Variants in SHANK2 observed in about 807,000 individuals in gnomAD.
SHANK2 encodes the protein SH3 and multiple ankyrin repeat domains 2, also known as SH3 and multiple ankyrin repeat domains protein 2.
A neutral mutation model predicts 133.7 loss-of-function variants in SHANK2; 43 were observed. That is an observed-to-expected ratio of 0.32 (90% CI 0.25 to 0.41). The LOEUF is 0.41. Ranked by LOEUF, SHANK2 falls within the 10% of genes least tolerant of loss-of-function variation. The pLI is 1.00. For synonymous variants in SHANK2, 1,017 were observed against 952.8 expected, an observed-to-expected ratio of 1.07 and a Z score of -1.24; for missense variants, 1,994 against 2,235.8, an observed-to-expected ratio of 0.89 and a Z score of 2.18.
At chr11:70,502,371 G>T in intron 18 of SHANK2, 85 bp from the exon 19 acceptor site, 1 of 1,325,400 alleles carries the variant, frequency 7.5e-7, no homozygotes, top group Non-Finnish European at 1.0e-6. Context: ...CCTGTGGCTG[G>T]CAGGTGGGTC....
intron 17 of SHANK2, among the ~76,000 whole-genome samples, chr11:70,606,862 C>G (rs1212186099): frequency 6.6e-6 from 1 of 152,198 alleles, no homozygotes; most frequent in Admixed American, 6.5e-5. Flanking sequence ...TCTGAGCAAC[C>G]CTGTTCTTCG....
intron 17 of SHANK2, among the ~76,000 whole-genome samples, chr11:70,527,286 G>A (rs2059411808): frequency 6.6e-6 from 1 of 152,180 alleles, no homozygotes; most frequent in South Asian, 2.1e-4. Context: ...GTGTGGTGCC[G>A]GCCTGGCTGT....
intron 14 of SHANK2, among the ~76,000 whole-genome samples, chr11:70,710,760 C>T (rs1321958233): frequency 6.6e-6 from 1 of 152,118 alleles, no homozygotes; most frequent in Admixed American, 6.5e-5. Context: ...AGCTAAGGGC[C>T]CAGGCCTCAG....
At position 71,135,681 on chromosome 11, in the gene SHANK2, C is replaced by T. The variant is rs368500192; in HGVS notation, c.207+11439G>A. ...ATGTTGGCCAGGCTGGTCTCGGACT[C>T]CTGACCTCAGGTGATCCACCTGCCT... On this transcript the variant is annotated intron_variant, in intron 3 of 25. Coordinates refer to ENST00000601538, the MANE Select transcript of SHANK2 (RefSeq NM_012309.5). Among the ~76,000 whole-genome samples, 4 of 152,024 alleles carry T rather than the reference C, an allele frequency of 2.6e-5. No homozygotes were observed. In the East Asian group the frequency reaches 7.8e-4, roughly 29 times the overall value.
At chr11:70,654,593 C>T (rs150670754) in intron 17 of SHANK2, among the ~76,000 whole-genome samples, 35 of 152,098 alleles carry the variant, frequency 2.3e-4, no homozygotes, top group African/African-American at 7.2e-4. Context: ...TAGAATGTAA[C>T]CTTTTCTGGT....
intron 10 of SHANK2, among the ~76,000 whole-genome samples, chr11:70,917,846 G>A (rs1265210563): frequency 6.6e-6 from 1 of 152,128 alleles, no homozygotes; most frequent in East Asian, 1.9e-4. Flanking sequence ...AGACACAGGA[G>A]CCTTTCAGGG....
At chr11:70,848,123 C>T (rs546366537) in intron 11 of SHANK2, among the ~76,000 whole-genome samples, 12 of 152,300 alleles carry the variant, frequency 7.9e-5, no homozygotes, top group African/African-American at 1.7e-4. Context: ...AAACAGAAGA[C>T]GAAAGGCCCT....
chr11:70,857,660 G>A lies in SHANK2; in HGVS notation c.1175-36978C>T, dbSNP rs59370545. 7.6e-3 allele frequency among the ~76,000 whole-genome samples: 1,164 copies of A among 152,240 alleles called. 15 individuals carry two copies. Among genetic ancestry groups the A allele is most frequent in the African/African-American group, 0.024 (1,008 of 41,552 alleles). On this transcript the variant is annotated intron_variant, in intron 11 of 25. Transcript: ENST00000601538. ...CATCATCCTCAGCACTTTAGTTGACGTGATGGCCCACCTCTTGCTATTAGG... is the reference window on the plus strand; with the variant it reads ...CATCATCCTCAGCACTTTAGTTGACATGATGGCCCACCTCTTGCTATTAGG...
chr11:71,222,545 C>T (rs191563180), intron 2 of SHANK2, among the ~76,000 whole-genome samples: 5 of 152,202 alleles, frequency 3.3e-5, no homozygotes, highest in Admixed American at 6.5e-5. Context: ...CGGACGCAGG[C>T]GCCTTCCAAA....
intron 17 of SHANK2, among the ~76,000 whole-genome samples, chr11:70,518,107 A>T (rs1057281222): frequency 8.5e-5 from 13 of 152,170 alleles, no homozygotes; most frequent in African/African-American, 2.7e-4. Context: ...AGAGATGAGT[A>T]CCCTGAGCCA....
intron 11 of SHANK2, among the ~76,000 whole-genome samples, chr11:70,827,888 G>A (rs1312527817): frequency 6.6e-6 from 1 of 152,162 alleles, no homozygotes; most frequent in Non-Finnish European, 1.5e-5. Flanking sequence ...CCAGGGACGG[G>A]ACTGCGGCAT....
chr11:71,090,622 CCT>C (rs1491168035), intron 8 of SHANK2, among the ~76,000 whole-genome samples: 4 of 67,324 alleles, frequency 5.9e-5, no homozygotes, highest in Admixed American at 4.4e-4. Context: ...AGAAACACAA[CCT>C]CTGTGTGTGT....
intron 14 of SHANK2, among the ~76,000 whole-genome samples, chr11:70,710,471 G>A (rs1014265129): frequency 6.6e-6 from 1 of 152,220 alleles, no homozygotes; most frequent in African/African-American, 2.4e-5. Context: ...TGAGGCCGGC[G>A]AGGGAGGCAG....
intron 17 of SHANK2, among the ~76,000 whole-genome samples, chr11:70,613,760 C>CTTTTTTTT (rs1443708855): frequency 4.9e-5 from 1 of 20,394 alleles, no homozygotes. Context: ...AAGAGGGGAA[C>CTTTTTTTT]TTGTTTTTTT....
intron 17 of SHANK2, among the ~76,000 whole-genome samples, chr11:70,589,038 C>T (rs10899215): frequency 0.27 from 41,522 of 152,104 alleles, 6,063 homozygotes; most frequent in African/African-American, 0.36. Flanking sequence ...AGGATGGTCT[C>T]GATCTCCTGA....
chr11:70,820,570 G>T lies in SHANK2; in HGVS notation c.1287C>A (p.Ser429Arg), dbSNP rs571788090. The change falls in exon 12 of 26, where the codon AGC becomes AGA. Residue 429 changes from serine (S) to arginine (R), a missense_variant. By Grantham distance (110) the Ser-to-Arg change is moderately radical. Transcript: ENST00000601538. ...TGGAGCAGACGGCCCAGTCGGGAGCGCTGGCATTGAGGTTGTTGTCACTGT... is the reference window on the plus strand; with the variant it reads ...TGGAGCAGACGGCCCAGTCGGGAGCTCTGGCATTGAGGTTGTTGTCACTGT... ...RSNSDNNLNA[S>R]APDWAVCSTA... 1 of 716,930 alleles carries T rather than the reference G, an allele frequency of 1.4e-6. No individual in the cohort carries two copies. The allele number at this position is 716,930 out of a possible 1,614,324, so 44.4% of individuals were successfully genotyped here.
chr11:70,575,790 T>C (rs2060108579), intron 17 of SHANK2, among the ~76,000 whole-genome samples: 1 of 151,524 alleles, frequency 6.6e-6, no homozygotes, highest in South Asian at 2.1e-4. Flanking sequence ...CCCCCGCCCG[T>C]GGTGGGTGAT....
intron 19 of SHANK2, 92 bp from the exon 20 acceptor site, chr11:70,502,023 C>T (rs1383641213): frequency 1.0e-5 from 15 of 1,436,082 alleles, no homozygotes; most frequent in Middle Eastern, 1.7e-4. Flanking sequence ...CGCGAGGCTC[C>T]GAGGGAGGTG....
chr11:71,184,599 C>T (rs1410221647), intron 2 of SHANK2, among the ~76,000 whole-genome samples: 1 of 152,166 alleles, frequency 6.6e-6, no homozygotes, highest in African/African-American at 2.4e-5. Context: ...ACTCAGGGCC[C>T]TTCTCAAACC....
Sources: gnomAD v4.1 joint callset for allele counts (sites outside exome capture counted in the v4.1 genomes callset) on GRCh38, gnomAD v4.1.1 for gene constraint, MANE v1.5 for transcripts, NCBI Gene and HGNC (gene_info 2026-07-23, HGNC 2026-07-21) for gene names.